Variants in MBD2 observed in about 807,000 individuals in gnomAD.
MBD2 encodes the protein methyl-CpG binding domain protein 2, also known as methyl-CpG-binding domain protein 2.
A neutral mutation model predicts 39.3 loss-of-function variants in MBD2; 9 were observed. The observed-to-expected ratio is 0.23, with a 90% CI of 0.14 to 0.40. The LOEUF (loss-of-function observed/expected upper bound fraction) is 0.40, where lower values mean the gene tolerates loss of function less well. Among genes scored for constraint, MBD2 ranks in the 10% least tolerant of loss-of-function variants. The pLI, the probability that MBD2 is intolerant of heterozygous loss-of-function variation, is 1.00. For synonymous variants in MBD2, 233 were observed against 211.1 expected (o/e 1.10, Z -0.90); for missense variants, 458 against 532.6 (o/e 0.86, Z 1.38).
chr18:54,213,932 G>A (rs2086532554), intron 1 of MBD2, among the ~76,000 whole-genome samples: 1 of 150,696 alleles, frequency 6.6e-6, no homozygotes, highest in Non-Finnish European at 1.5e-5. Context: ...TATTTACTTA[G>A]ACAAATATGC....
chr18:54,184,862 T>A (rs1369277267), intron 3 of MBD2, among the ~76,000 whole-genome samples: 2 of 152,192 alleles, frequency 1.3e-5, no homozygotes, highest in African/African-American at 4.8e-5. Flanking sequence ...TTTTAAGTGT[T>A]ATAGGACACA....
intron 6 of MBD2, among the ~76,000 whole-genome samples, 176 bp from the exon 7 acceptor site, chr18:54,155,487 C>T (rs190366375): frequency 2.8e-4 from 43 of 152,246 alleles, no homozygotes; most frequent in African/African-American, 9.9e-4. Flanking sequence ...TCAACATATC[C>T]CCTCATTGTT....
At chr18:54,196,162 TA>T (rs1451222139) in intron 2 of MBD2, among the ~76,000 whole-genome samples, 1 of 152,154 alleles carries the variant, frequency 6.6e-6, no homozygotes, top group Non-Finnish European at 1.5e-5. Context: ...TTACAAAAAG[TA>T]AAGAAAAAAT....
chr18:54,200,818 G>A (rs890940595), intron 2 of MBD2, among the ~76,000 whole-genome samples: 4 of 152,142 alleles, frequency 2.6e-5, no homozygotes, highest in South Asian at 2.1e-4. Context: ...GGTGGCTCAC[G>A]TCTGTAATCC....
Position 54,164,508 on chromosome 18 carries a change from G to A in MBD2, c.1109+15C>T. 2.5e-6 allele frequency: 4 copies of A among 1,595,926 alleles called. No individual in the cohort carries two copies. Among genetic ancestry groups the A allele is most frequent in the Non-Finnish European group, 3.4e-6 (4 of 1,164,636 alleles). ...TAAAAACCCAAGTTTATGAAGTCAT[G>A]TTAAACTGCATTACCTGATGTCTTC... On this transcript the variant is annotated intron_variant, in intron 5 of 6. Transcript: ENST00000256429.
At chr18:54,165,902 T>C (rs1007061074) in intron 4 of MBD2, among the ~76,000 whole-genome samples, 174 bp downstream of exon 4, 2 of 152,252 alleles carry the variant, frequency 1.3e-5, no homozygotes, top group African/African-American at 2.4e-5. Flanking sequence ...AAGTTTCTCA[T>C]GTACCTTCTT....
intron 1 of MBD2, chr18:54,222,282 G>C (rs2086621204): frequency 2.2e-6 from 1 of 463,488 alleles, no homozygotes; most frequent in Non-Finnish European, 4.2e-6. Flanking sequence ...TTAATCAGAA[G>C]AAATTGTCCC....
intron 3 of MBD2, among the ~76,000 whole-genome samples, chr18:54,188,474 T>C (rs1195026035): frequency 1.3e-5 from 2 of 152,124 alleles, no homozygotes; most frequent in Non-Finnish European, 2.9e-5. Flanking sequence ...AAACAAGAAA[T>C]CAGAATAAAA....
intron 1 of MBD2, among the ~76,000 whole-genome samples, chr18:54,208,653 T>TG (rs1345051267): frequency 6.6e-6 from 1 of 152,254 alleles, no homozygotes; most frequent in Non-Finnish European, 1.5e-5. Flanking sequence ...ATAAGCATAC[T>TG]GTTCTTAGCT....
chr18:54,164,449 G>T, intron 5 of MBD2, 74 bp downstream of exon 5: 1 of 1,351,540 alleles, frequency 7.4e-7, no homozygotes, highest in Non-Finnish European at 1.0e-6. Context: ...ATATGCCACT[G>T]AACCTAATGA....
At chr18:54,190,070 T>TA (rs2086310323) in intron 2 of MBD2, among the ~76,000 whole-genome samples, 1 of 152,176 alleles carries the variant, frequency 6.6e-6, no homozygotes, top group South Asian at 2.1e-4. Flanking sequence ...AGGCCAGACT[T>TA]ACATAAAACC....
rs34165824 is a variant in MBD2 at position 54,209,297 on chromosome 18, CAAA to C, written c.543-4143_543-4141del. ...GGGCAACAGAGTGAGACTCCATCTC[CAAA>C]AAAAAAAAAAAAAAAAAAAAGGAAG... is the stretch of plus-strand genomic sequence containing the variant. On this transcript the variant is annotated intron_variant, in intron 1 of 6. Transcript: ENST00000256429. Among the ~76,000 whole-genome samples, 418 of 67,466 alleles carry C rather than the reference CAAA, an allele frequency of 6.2e-3. 1 individual carries two copies. The highest frequency in any genetic ancestry group is 0.034 in the East Asian group (96 of 2,810). The allele number at this position is 67,466 out of a possible 152,430, so 44.3% of individuals were successfully genotyped here.
At chr18:54,209,659 G>A (rs1054568326) in intron 1 of MBD2, among the ~76,000 whole-genome samples, 4 of 152,196 alleles carry the variant, frequency 2.6e-5, no homozygotes, top group African/African-American at 7.2e-5. Flanking sequence ...GGGATTTTAG[G>A]CCAGAGACTT....
At chr18:54,157,075 C>T (rs573923843) in intron 6 of MBD2, among the ~76,000 whole-genome samples, 90 of 152,120 alleles carry the variant, frequency 5.9e-4, no homozygotes, top group African/African-American at 1.9e-3. Flanking sequence ...TGGCTGCAGC[C>T]GTGGACAGTA....
At chr18:54,174,217 C>T (rs771504598) in intron 3 of MBD2, among the ~76,000 whole-genome samples, 155 of 152,022 alleles carry the variant, frequency 1.0e-3, no homozygotes, top group South Asian at 2.5e-3. Flanking sequence ...TCTGGATATA[C>T]CAAATGTACC....
chr18:54,185,047 G>A (rs910728027), intron 3 of MBD2, among the ~76,000 whole-genome samples: 1 of 152,198 alleles, frequency 6.6e-6, no homozygotes, highest in Non-Finnish European at 1.5e-5. Flanking sequence ...TAGAATGCCT[G>A]AAATAGTAAC....
intron 1 of MBD2, among the ~76,000 whole-genome samples, chr18:54,209,297 C>CAAAA (rs34165824): frequency 5.9e-5 from 4 of 67,576 alleles, no homozygotes; most frequent in Non-Finnish European, 1.1e-4. Context: ...ACTCCATCTC[C>CAAAA]AAAAAAAAAA....
intron 1 of MBD2, among the ~76,000 whole-genome samples, chr18:54,217,433 C>A (rs996312819): frequency 6.6e-6 from 1 of 152,122 alleles, no homozygotes; most frequent in African/African-American, 2.4e-5. Context: ...TTTTCCTAAT[C>A]GTTTCTCACT....
At chr18:54,176,120 T>C (rs1233123591) in intron 3 of MBD2, among the ~76,000 whole-genome samples, 1 of 152,244 alleles carries the variant, frequency 6.6e-6, no homozygotes, top group East Asian at 1.9e-4. Context: ...GTCAAGAGCA[T>C]GATGCTAGAC....
Sources: allele counts gnomAD v4.1 joint callset (sites outside exome capture counted in the v4.1 genomes callset), GRCh38; gene constraint gnomAD v4.1.1; transcripts MANE v1.5; gene names NCBI Gene and HGNC (gene_info 2026-07-23, HGNC 2026-07-21).